Variants in VAT1 observed in about 807,000 individuals in gnomAD.
The protein encoded by VAT1 is vesicle amine transport 1, also known as NADPH-dependent quinone oxidoreductase VAT1.
A neutral mutation model predicts 33.3 loss-of-function variants in VAT1; 24 were observed. The ratio of observed to expected loss-of-function variants is 0.72; its 90% CI spans 0.52 to 1.01. The LOEUF (loss-of-function observed/expected upper bound fraction) is 1.01, where lower values mean the gene tolerates loss of function less well. Among genes scored for constraint, VAT1 ranks in the 50% least tolerant of loss-of-function variants. The probability of loss-of-function intolerance (pLI) is 0.00; values close to 1 mark genes in which losing one functional copy is unlikely to be tolerated. For missense variants in VAT1, 436 were observed against 533.7 expected, an observed-to-expected ratio of 0.82 and a Z score of 1.80; for synonymous variants, 212 against 225.0, an observed-to-expected ratio of 0.94 and a Z score of 0.52.
At chr17:43,021,498 A>G (rs1254967469) in intron 1 of VAT1, among the ~76,000 whole-genome samples, 2 of 151,516 alleles carry the variant, frequency 1.3e-5, no homozygotes, top group South Asian at 2.1e-4. Context: ...CCGACGACAT[A>G]GCCCCTCAAG....
At chr17:43,016,726 T>C (rs571739664) in intron 4 of VAT1, among the ~76,000 whole-genome samples, 178 bp from the exon 5 acceptor site, 10 of 152,174 alleles carry the variant, frequency 6.6e-5, no homozygotes, top group African/African-American at 1.7e-4. Context: ...TGACTTTAAA[T>C]TGCTCTAGGG....
At chr17:43,020,972 A>AT (rs1006879132) in intron 1 of VAT1, among the ~76,000 whole-genome samples, 1 of 151,980 alleles carries the variant, frequency 6.6e-6, no homozygotes, top group African/African-American at 2.4e-5. Flanking sequence ...AAAGCTGATC[A>AT]TTTTGAGCTC....
At chr17:43,021,110 C>T (rs974621192) in intron 1 of VAT1, among the ~76,000 whole-genome samples, 3 of 152,146 alleles carry the variant, frequency 2.0e-5, no homozygotes, top group Non-Finnish European at 4.4e-5. Context: ...ACTGGGGTTT[C>T]TGAAGTGGGG....
Position 43,015,947 on chromosome 17 carries a change from G to A in VAT1, c.*114C>T. The A allele has an allele frequency of 2.5e-6, 3 of 1,221,638 alleles. No individual in the cohort carries two copies. Among genetic ancestry groups the A allele is most frequent in the South Asian group, 1.3e-5 (1 of 74,492 alleles). The allele number at this position is 1,221,638 out of a possible 1,614,324, so 75.7% of individuals were successfully genotyped here. On this transcript the variant is annotated 3_prime_UTR_variant, in exon 6 of 6. Transcript: ENST00000355653. ...CGGTCATCACCACAGAGACCTTCGG[G>A]GGAGGGAGGGCAGAGCATTATGACA... is the stretch of plus-strand genomic sequence containing the variant.
chr17:43,022,260 C>A lies in VAT1; in HGVS notation c.63G>T (p.Pro21=). 1 of 1,587,544 alleles carries A rather than the reference C, an allele frequency of 6.3e-7. No individual in the cohort carries two copies. The highest frequency in any genetic ancestry group is 8.6e-7 in the Non-Finnish European group (1 of 1,168,636). Residue 21 remains proline, a synonymous_variant, in exon 1 of 6, where the codon CCG becomes CCT. Coordinates refer to ENST00000355653, the MANE Select transcript of VAT1 (RefSeq NM_006373.4). Reference sequence around the variant, plus strand: ...GGGGGTCGCTCGCTGCCTCGGTTTTCGGAGGCGGCGAAGAGGCGTCTTCCC... The same window carrying A: ...GGGGGTCGCTCGCTGCCTCGGTTTTAGGAGGCGGCGAAGAGGCGTCTTCCC... ...ATGEDASSPP[P]KTEAASDPQH...
Position 43,022,105 on chromosome 17 carries a change from GC to G in VAT1, c.217del (p.Ala73ProfsTer7). ...KLQSRPAAPP[A>X]PGPGQLTLRL... ...CAGCGTCAGCTGGCCGGGCCCAGGG[GC>G]CGGGGGCGCTGCCGGCCGGCTCTGC... On this transcript the variant is annotated frameshift_variant, in exon 1 of 6. Transcript: ENST00000355653. LOFTEE classifies it high-confidence loss of function. The G allele has an allele frequency of 1.3e-6, 2 of 1,573,750 alleles. No homozygotes were observed. The highest frequency in any genetic ancestry group is 3.9e-4 in the Middle Eastern group (2 of 5,096).
At position 43,021,875 on chromosome 17, in the gene VAT1, A is replaced by C. The variant is rs1025081059; in HGVS notation, c.387+61T>G. ...CCTGCCACACCCCCGGCGCTCGCCC[A>C]CTCGTGCCCCACTGCCCAGTGGCCT... On this transcript the variant is annotated intron_variant, in intron 1 of 5. Coordinates refer to ENST00000355653, the MANE Select transcript of VAT1 (RefSeq NM_006373.4). 14 of 1,582,968 alleles carry C rather than the reference A, an allele frequency of 8.8e-6. No homozygotes were observed. In the African/African-American group the frequency reaches 1.8e-4, roughly 20 times the overall value.
chr17:43,016,126 G>A lies in VAT1; in HGVS notation c.1117C>T (p.Gln373Ter), dbSNP rs1256891363. The A allele has an allele frequency of 1.2e-6, 2 of 1,614,156 alleles. No individual in the cohort carries two copies. Among genetic ancestry groups the A allele is most frequent in the Non-Finnish European group, 1.7e-6 (2 of 1,180,014 alleles). ...PFEKVADAMK[Q>*]MQEKKNVGKV... is the part of the protein sequence containing the mutation. ...CCCACATTCTTCTTCTCCTGCATCT[G>A]TTTCATGGCATCAGCCACCTGGGGA... Residue 373 changes from glutamine (Q) to a stop codon, truncating the protein, a stop_gained, in exon 6 of 6, where the codon CAG becomes TAG. Coordinates refer to ENST00000355653, the MANE Select transcript of VAT1 (RefSeq NM_006373.4). LOFTEE classifies it high-confidence loss of function.
intron 4 of VAT1, 48 bp downstream of exon 4, chr17:43,017,793 T>A (rs1268145090): frequency 5.2e-6 from 8 of 1,552,356 alleles, no homozygotes; most frequent in African/African-American, 2.7e-5. Context: ...CCTTAGACCC[T>A]CCCTCCTGCC....
chr17:43,018,171 T>TACGGCACAGCTGC lies in VAT1; in HGVS notation c.618_630dup (p.Thr211AlafsTer38). ...CCGAACACTGTCACATTCTCCACTG[T>TACGGCACAGCTGC]ACGGCACAGCTGCACGGCAGCCATA... On this transcript the variant is annotated frameshift_variant, in exon 3 of 6. Coordinates refer to ENST00000355653, the MANE Select transcript of VAT1 (RefSeq NM_006373.4). LOFTEE classifies it high-confidence loss of function. The TACGGCACAGCTGC allele has an allele frequency of 6.2e-7, 1 of 1,613,546 alleles. No individual in the cohort carries two copies.
chr17:43,018,888 T>C, intron 1 of VAT1, 89 bp from the exon 2 acceptor site: 1 of 1,307,698 alleles, frequency 7.6e-7, no homozygotes. Flanking sequence ...GGCTACCTTC[T>C]TCCAAATGAA....
chr17:43,020,874 TAAAAAAAAA>T (rs57324710), intron 1 of VAT1, among the ~76,000 whole-genome samples: 1 of 100,182 alleles, frequency 1.0e-5, no homozygotes, highest in Non-Finnish European at 2.1e-5. Flanking sequence ...AAACTCCGTC[TAAAAAAAAA>T]AAAAAAAAAA....
At chr17:43,017,666 C>A (rs1222314088) in intron 4 of VAT1, among the ~76,000 whole-genome samples, 175 bp downstream of exon 4, 1 of 151,824 alleles carries the variant, frequency 6.6e-6, no homozygotes, top group African/African-American at 2.4e-5. Flanking sequence ...AGAGCTGGTA[C>A]CCAAGAGTCA....
Position 43,022,018 on chromosome 17 carries a change from C to A in VAT1, c.305G>T (p.Arg102Leu). ...CGGAGTGACAGGCAGAGGCGGGAGA[C>A]GGTCGTACAGCCCCTGCCTAGCCAT... ...DLMARQGLYD[R>L]LPPLPVTPGM... The change falls in exon 1 of 6, where the codon CGT (arginine) becomes CTT (leucine). Residue 102 changes from arginine (R) to leucine (L), a missense_variant. Transcript: ENST00000355653. 1 of 1,607,426 alleles carries A rather than the reference C, an allele frequency of 6.2e-7. No homozygotes were observed. Among genetic ancestry groups the A allele is most frequent in the Non-Finnish European group, 8.5e-7 (1 of 1,178,488 alleles).
Position 43,018,534 on chromosome 17 carries a change from G to T in VAT1, c.595+58C>A. On this transcript the variant is annotated intron_variant, in intron 2 of 5. Transcript: ENST00000355653. ...AACAACCCAGACAGGCTGCAGGGAA[G>T]GGGCCTGGAAGGAAATCTGGGTGGG... 3 of 1,583,152 alleles carry T rather than the reference G, an allele frequency of 1.9e-6. No homozygotes were observed. The South Asian group carries it at 3.4e-5, about 18-fold the overall frequency.
intron 1 of VAT1, chr17:43,020,332 G>A (rs2050555957): frequency 2.0e-6 from 2 of 983,506 alleles, no homozygotes; most frequent in Non-Finnish European, 2.4e-6. Flanking sequence ...GAGGGGAGGT[G>A]AGGTGGGTGG....
chr17:43,020,764 A>G (rs564123313), intron 1 of VAT1, among the ~76,000 whole-genome samples: 51 of 151,240 alleles, frequency 3.4e-4, no homozygotes, highest in African/African-American at 1.2e-3. Flanking sequence ...AATCCCAGCT[A>G]CTCGAGAGGC....
chr17:43,016,661 G>C (rs2050523149), intron 4 of VAT1, 113 bp from the exon 5 acceptor site: 2 of 1,452,356 alleles, frequency 1.4e-6, no homozygotes, highest in East Asian at 4.9e-5. Context: ...CCAGTGCCAG[G>C]GAGTGATTGG....
rs969558017 is a variant in VAT1, at chr17:43,015,361, C to T, written c.*700G>A. 1.6e-4 allele frequency: 24 copies of T among 153,148 alleles called. No homozygotes were observed. Among genetic ancestry groups the T allele is most frequent in the African/African-American group, 5.5e-4 (23 of 41,576 alleles). 9.5% of individuals were successfully genotyped at this position (153,148 alleles called of 1,614,324 possible). The stretch of plus-strand genomic sequence containing the variant: ...CACACACAAGCACAGGTTTTCGTTG[C>T]TAAGGCACTGAGAACAAATCCAGAG... On this transcript the variant is annotated 3_prime_UTR_variant, in exon 6 of 6. Coordinates refer to ENST00000355653, the MANE Select transcript of VAT1 (RefSeq NM_006373.4).
Sources: allele counts gnomAD v4.1 joint callset (sites outside exome capture counted in the v4.1 genomes callset), GRCh38; gene constraint gnomAD v4.1.1; transcripts MANE v1.5; gene names NCBI Gene and HGNC (gene_info 2026-07-23, HGNC 2026-07-21).